ROBO1: variants seen among roughly 807,000 people sequenced by gnomAD.
The protein encoded by ROBO1 is roundabout homolog 1.
Under a neutral mutation model 195.9 loss-of-function variants are expected in ROBO1, and 149 were observed. The ratio of observed to expected loss-of-function variants is 0.76; its 90% CI spans 0.67 to 0.87. The LOEUF is 0.87. Ranked by LOEUF, ROBO1 falls within the 40% of genes least tolerant of loss-of-function variation. The pLI is 0.00. For missense variants in ROBO1, 1,933 were observed against 2,068.3 expected, an observed-to-expected ratio of 0.93 and a Z score of 1.27; for synonymous variants, 816 against 733.2, an observed-to-expected ratio of 1.11 and a Z score of -1.82.
At chr3:79,275,272 A>T (rs540154348) in intron 2 of ROBO1, among the ~76,000 whole-genome samples, 31 of 152,124 alleles carry the variant, frequency 2.0e-4, no homozygotes, top group African/African-American at 7.5e-4. Flanking sequence ...CATATAAAAG[A>T]TCATTCATCA....
intron 4 of ROBO1, among the ~76,000 whole-genome samples, chr3:78,899,054 C>A (rs1053025527): frequency 6.6e-6 from 1 of 152,144 alleles, no homozygotes. Flanking sequence ...GATTTATTTC[C>A]AATGTCCTGT....
chr3:79,077,106 T>C (rs1180872528), intron 3 of ROBO1, among the ~76,000 whole-genome samples: 1 of 151,896 alleles, frequency 6.6e-6, no homozygotes, highest in East Asian at 1.9e-4. Context: ...AACACATCCA[T>C]CAGCACTCAT....
chr3:79,435,121 A>G (rs1287362376), intron 2 of ROBO1, among the ~76,000 whole-genome samples: 1 of 152,138 alleles, frequency 6.6e-6, no homozygotes, highest in African/African-American at 2.4e-5. Flanking sequence ...TAAATGACCA[A>G]TTAATGGGTG....
intron 1 of ROBO1, among the ~76,000 whole-genome samples, chr3:79,686,628 G>A (rs1343513529): frequency 1.3e-5 from 2 of 152,090 alleles, no homozygotes; most frequent in African/African-American, 4.8e-5. Flanking sequence ...TTGCTTCAAA[G>A]AGAATAAAAT....
At chr3:79,055,726 G>A (rs1472334090) in intron 3 of ROBO1, among the ~76,000 whole-genome samples, 1 of 152,038 alleles carries the variant, frequency 6.6e-6, no homozygotes, top group Non-Finnish European at 1.5e-5. Context: ...AAAACATGAA[G>A]GGATTACTAA....
chr3:78,846,971 A>G (rs1010457271), intron 4 of ROBO1, among the ~76,000 whole-genome samples: 5 of 152,164 alleles, frequency 3.3e-5, no homozygotes, highest in Non-Finnish European at 7.4e-5. Context: ...CAGCTGCTAC[A>G]GCTGGCCTGC....
At chr3:79,543,366 CT>C (rs1942147732) in intron 2 of ROBO1, among the ~76,000 whole-genome samples, 1 of 151,974 alleles carries the variant, frequency 6.6e-6, no homozygotes, top group African/African-American at 2.4e-5. Flanking sequence ...CATACTCTTC[CT>C]TTCAAGTTGA....
intron 2 of ROBO1, among the ~76,000 whole-genome samples, chr3:79,464,227 A>C (rs1937820589): frequency 6.6e-6 from 1 of 152,222 alleles, no homozygotes; most frequent in Non-Finnish European, 1.5e-5. Flanking sequence ...TGTTATAAAC[A>C]TCTGTGTAAA....
At chr3:78,905,350 T>C (rs1387247620) in intron 4 of ROBO1, among the ~76,000 whole-genome samples, 1 of 152,090 alleles carries the variant, frequency 6.6e-6, no homozygotes, top group Non-Finnish European at 1.5e-5. Context: ...ACAACTCTGC[T>C]GATGGGATTG....
intron 2 of ROBO1, among the ~76,000 whole-genome samples, chr3:79,348,294 A>G (rs1333287101): frequency 2.0e-5 from 3 of 151,956 alleles, no homozygotes; most frequent in Non-Finnish European, 4.4e-5. Flanking sequence ...CTGGTCTATT[A>G]TTTCTGTTAC....
chr3:78,868,050 A>G (rs1203753932), intron 4 of ROBO1, among the ~76,000 whole-genome samples: 3 of 152,144 alleles, frequency 2.0e-5, no homozygotes, highest in Non-Finnish European at 1.5e-5. Context: ...GAGTACAAAG[A>G]AAGATTATTC....
chr3:79,435,356 G>A (rs1220763636), intron 2 of ROBO1, among the ~76,000 whole-genome samples: 1 of 152,126 alleles, frequency 6.6e-6, no homozygotes, highest in African/African-American at 2.4e-5. Flanking sequence ...GTGTAGCTGG[G>A]ATTACAGGTG....
At chr3:79,561,649 G>A (rs1942924420) in intron 2 of ROBO1, among the ~76,000 whole-genome samples, 1 of 152,160 alleles carries the variant, frequency 6.6e-6, no homozygotes, top group Non-Finnish European at 1.5e-5. Flanking sequence ...AATATTAACT[G>A]TGATGTTTGG....
At chr3:78,897,285 C>CA (rs2037295309) in intron 4 of ROBO1, among the ~76,000 whole-genome samples, 1 of 152,150 alleles carries the variant, frequency 6.6e-6, no homozygotes, top group Admixed American at 6.5e-5. Context: ...ACACAAGCAT[C>CA]AGTATTTTTC....
chr3:79,336,602 C>G (rs527824747), intron 2 of ROBO1, among the ~76,000 whole-genome samples: 1 of 152,296 alleles, frequency 6.6e-6, no homozygotes, highest in East Asian at 1.9e-4. Context: ...GGACAGAGCC[C>G]TCATGGTGAA....
chr3:79,327,411 A>C (rs867002383), intron 2 of ROBO1, among the ~76,000 whole-genome samples: 11 of 152,204 alleles, frequency 7.2e-5, no homozygotes, highest in Middle Eastern at 6.8e-3. Flanking sequence ...GTTCAAGAAA[A>C]TATATCAAGC....
At chr3:79,139,782 T>C (rs544822436) in intron 2 of ROBO1, among the ~76,000 whole-genome samples, 84 of 152,290 alleles carry the variant, frequency 5.5e-4, no homozygotes, top group Non-Finnish European at 1.1e-3. Flanking sequence ...TCCACCCACT[T>C]TGCCCTGGTA....
chr3:78,816,993 T>A (rs1024377494), intron 4 of ROBO1, among the ~76,000 whole-genome samples: 4 of 148,208 alleles, frequency 2.7e-5, no homozygotes, highest in African/African-American at 7.4e-5. Context: ...ATAAAAAAAA[T>A]AAAATAAAAT....
At chr3:79,430,301 A>G (rs9845498) in intron 2 of ROBO1, among the ~76,000 whole-genome samples, 145,480 of 152,144 alleles carry the variant, frequency 0.96, 69,585 homozygotes, top group East Asian at 1. Context: ...TGCTTAATTC[A>G]TGTTTAATTT....
Sources: allele counts gnomAD v4.1 joint callset (sites outside exome capture counted in the v4.1 genomes callset), GRCh38; gene constraint gnomAD v4.1.1; transcripts MANE v1.5; gene names NCBI Gene and HGNC (gene_info 2026-07-23, HGNC 2026-07-21).